The following ANKRD28 variants were observed in gnomAD, a reference collection of about 807,000 sequenced individuals.
ANKRD28 encodes ankyrin repeat domain 28.
Under a neutral mutation model 126.5 loss-of-function variants are expected in ANKRD28, and 44 were observed. The ratio of observed to expected loss-of-function variants is 0.35; its 90% CI spans 0.27 to 0.45. The LOEUF (loss-of-function observed/expected upper bound fraction) is 0.45. Ranked by LOEUF, ANKRD28 falls within the 20% of genes least tolerant of loss-of-function variation. ANKRD28 has a pLI of 1.00. For synonymous variants in ANKRD28, 442 were observed against 468.5 expected (o/e 0.94, Z 0.73); for missense variants, 1,110 against 1,316.6 (o/e 0.84, Z 2.43).
chr3:15,686,426 T>C (rs577173519), intron 18 of ANKRD28, 117 bp from the exon 19 acceptor site: 2 of 788,142 alleles, frequency 2.5e-6, no homozygotes, highest in East Asian at 2.7e-5. Flanking sequence ...GAATTTAATA[T>C]GCAAGAATGA....
chr3:15,767,700 T>TAAA lies in ANKRD28; in HGVS notation c.202-1391_202-1389dup, dbSNP rs57072807. 2.5e-4 allele frequency among the ~76,000 whole-genome samples: 16 copies of TAAA among 64,356 alleles called. 2 individuals are homozygous for TAAA. Among genetic ancestry groups the TAAA allele is most frequent in the South Asian group, 3.8e-4 (1 of 2,616 alleles). The allele number at this position is 64,356 out of a possible 152,430, so 42.2% of individuals were successfully genotyped here. A position where few individuals can be genotyped will look rare whatever the true frequency, so the allele number is the denominator to read the frequency against. ...TAACACAATGAAACCTAGTCTCTAC[T>TAAA]AAAAAAAAAAAAAAAAAAAAAAAAA... is the stretch of plus-strand genomic sequence containing the variant. On this transcript the variant is annotated intron_variant, in intron 2 of 27. Coordinates refer to ENST00000683139, the MANE Select transcript of ANKRD28 (RefSeq NM_001349278.2).
chr3:15,751,650 C>T (rs1168847583), intron 4 of ANKRD28, 100 bp downstream of exon 4: 17 of 804,356 alleles, frequency 2.1e-5, no homozygotes, highest in South Asian at 1.7e-4. Flanking sequence ...ATCTCAGTAG[C>T]TTTTCCTTCT....
At chr3:15,822,610 C>T (rs111487239) in intron 1 of ANKRD28, among the ~76,000 whole-genome samples, 3 of 151,994 alleles carry the variant, frequency 2.0e-5, no homozygotes, top group African/African-American at 7.2e-5. Flanking sequence ...GAAATTGTCC[C>T]AGAGGAAGGC....
chr3:15,768,148 T>C (rs879804870), intron 2 of ANKRD28, among the ~76,000 whole-genome samples: 6 of 152,210 alleles, frequency 3.9e-5, no homozygotes, highest in Non-Finnish European at 7.3e-5. Context: ...GTAGGTAGTA[T>C]ATTTGGGGGG....
At chr3:15,779,583 G>A (rs1252988068) in intron 2 of ANKRD28, among the ~76,000 whole-genome samples, 1 of 152,150 alleles carries the variant, frequency 6.6e-6, no homozygotes, top group Non-Finnish European at 1.5e-5. Flanking sequence ...TGACCAAATG[G>A]AAGCAACCAA....
chr3:15,781,584 C>T (rs1039448294), intron 2 of ANKRD28: 2 of 152,006 alleles, frequency 1.3e-5, no homozygotes, highest in Non-Finnish European at 2.9e-5. Flanking sequence ...TGTGACTGGA[C>T]AATTGTAATC....
rs2069286340 is a variant in ANKRD28, at chr3:15,694,727, G to A, written c.1761+12C>T. On this transcript the variant is annotated intron_variant, in intron 17 of 27. Coordinates refer to ENST00000683139, the MANE Select transcript of ANKRD28 (RefSeq NM_001349278.2). ...CAGCAGCCATCAAGTCGGCTATGAA[G>A]GCAGTACTCACAGCCAAGTGTAAAG... 2 of 1,610,708 alleles carry A rather than the reference G, an allele frequency of 1.2e-6. No homozygotes were observed. The highest frequency in any genetic ancestry group is 1.7e-6 in the Non-Finnish European group (2 of 1,177,204).
At position 15,735,444 on chromosome 3, in the gene ANKRD28, T is replaced by C. The variant is rs1222912981; in HGVS notation, c.606A>G (p.Lys202=). The C allele has an allele frequency of 3.2e-6, 5 of 1,560,734 alleles. No homozygotes were observed. The highest frequency in any genetic ancestry group is 3.5e-6 in the Non-Finnish European group (4 of 1,151,146). ...CTGCCCAATGGATAGCACGCCTATC[T>C]TTCTTGTCAAAAGCATTAATATTGG... ...RGANINAFDK[K]DRRAIHWAAY... is the part of the protein sequence containing the mutation. The change falls in exon 6 of 28, where the codon AAA becomes AAG. Residue 202 remains lysine (K), a synonymous_variant. Transcript: ENST00000683139.
intron 2 of ANKRD28, among the ~76,000 whole-genome samples, chr3:15,767,535 G>A (rs1306844434): frequency 6.6e-6 from 1 of 151,598 alleles, no homozygotes; most frequent in Non-Finnish European, 1.5e-5. Flanking sequence ...ATTAATAATG[G>A]GCACAACTTC....
At position 15,833,881 on chromosome 3, in the gene ANKRD28, G is replaced by C. The variant is rs1453616100; in HGVS notation, c.27+25496C>G. 1.3e-5 allele frequency among the ~76,000 whole-genome samples: 2 copies of C among 151,960 alleles called. No individual in the cohort carries two copies. The highest frequency in any genetic ancestry group is 4.8e-5 in the African/African-American group (2 of 41,382). ...ATTTTTTCATGTTTTTTGGCCACTT[G>C]TATGTCTTCTTTTGGAAAATGTCTG... On this transcript the variant is annotated intron_variant, in intron 1 of 27. Transcript: ENST00000399451. The surrounding 1 kb of genome is among the most constrained non-coding windows in gnomAD (Gnocchi z 4.4).
chr3:15,842,754 C>T (rs960264139), intron 1 of ANKRD28, among the ~76,000 whole-genome samples: 1 of 151,966 alleles, frequency 6.6e-6, no homozygotes, highest in Non-Finnish European at 1.5e-5. Flanking sequence ...TTTTTTAAAA[C>T]ATAAATAAAA....
At chr3:15,679,771 T>C (rs1186142537) in intron 21 of ANKRD28, among the ~76,000 whole-genome samples, 1 of 152,014 alleles carries the variant, frequency 6.6e-6, no homozygotes, top group African/African-American at 2.4e-5. Flanking sequence ...ACGCACAAAA[T>C]ACATACAGTT....
At chr3:15,717,273 C>T (rs902982840) in intron 8 of ANKRD28, among the ~76,000 whole-genome samples, 4 of 152,168 alleles carry the variant, frequency 2.6e-5, no homozygotes, top group African/African-American at 9.6e-5. Flanking sequence ...ACAACTGGGC[C>T]TGGTTAGAAT....
At chr3:15,856,197 A>C (rs1291555972) in intron 1 of ANKRD28, among the ~76,000 whole-genome samples, 2 of 152,174 alleles carry the variant, frequency 1.3e-5, no homozygotes. Flanking sequence ...TCCAAAAAAA[A>C]AATGGAGTTC....
chr3:15,740,273 ATCT>A (rs1206034365), intron 4 of ANKRD28, among the ~76,000 whole-genome samples: 1 of 152,202 alleles, frequency 6.6e-6, no homozygotes, highest in African/African-American at 2.4e-5. Flanking sequence ...GGTAACAGAA[ATCT>A]TCTATATCTT....
intron 1 of ANKRD28, among the ~76,000 whole-genome samples, chr3:15,813,045 TC>T (rs1472884498): frequency 1.6e-5 from 2 of 127,150 alleles, no homozygotes; most frequent in Admixed American, 7.3e-5. Context: ...TTTAATCACC[TC>T]CTTTTTTTTT....
rs1037120037 is a variant in ANKRD28, at chr3:15,670,193, G to A, written c.*77C>T. ...CTTTCCTCTTAGGTTGAATTTCTAC[G>A]TGAATATCAAAGTGCCTTTTTCCTG... On this transcript the variant is annotated 3_prime_UTR_variant, in exon 28 of 28. Transcript: ENST00000683139. 5.5e-6 allele frequency: 8 copies of A among 1,467,168 alleles called. No individual in the cohort carries two copies. Among genetic ancestry groups the A allele is most frequent in the Middle Eastern group, 1.9e-4 (1 of 5,378 alleles). The allele number at this position is 1,467,168 out of a possible 1,614,324, so 90.9% of individuals were successfully genotyped here.
At chr3:15,837,892 C>T (rs200430123) in intron 1 of ANKRD28, among the ~76,000 whole-genome samples, 1 of 131,498 alleles carries the variant, frequency 7.6e-6, no homozygotes, top group Non-Finnish European at 1.6e-5. Context: ...TTAAGCTAAC[C>T]AGAAAAAAAA....
At chr3:15,763,299 C>A (rs531048743) in intron 3 of ANKRD28, among the ~76,000 whole-genome samples, 44 of 152,232 alleles carry the variant, frequency 2.9e-4, no homozygotes, top group Non-Finnish European at 6.0e-4. Context: ...CCATCCCCAC[C>A]TCTCCCATTC....
Sources: gnomAD v4.1 joint callset for allele counts (sites outside exome capture counted in the v4.1 genomes callset) on GRCh38, gnomAD v4.1.1 for gene constraint, Gnocchi (gnomAD v3.1) non-coding constraint, MANE v1.5 for transcripts, NCBI Gene and HGNC (gene_info 2026-07-23, HGNC 2026-07-21) for gene names.